The following MRTFB variants were observed in gnomAD, a reference collection of about 807,000 sequenced individuals.
MRTFB encodes myocardin related transcription factor B.
A neutral mutation model predicts 104.2 loss-of-function variants in MRTFB; 29 were observed. The ratio of observed to expected loss-of-function variants is 0.28; its 90% CI spans 0.21 to 0.38. The LOEUF (loss-of-function observed/expected upper bound fraction) is 0.38. MRTFB is among the 10% of genes least tolerant of loss of function. The pLI is 1.00. For missense variants in MRTFB, 1,270 were observed against 1,341.6 expected (o/e 0.95, Z 0.83); for synonymous variants, 535 against 519.5 (o/e 1.03, Z -0.41).
At chr16:14,244,034 C>T (rs537179854) in intron 10 of MRTFB, among the ~76,000 whole-genome samples, 2 of 151,962 alleles carry the variant, frequency 1.3e-5, no homozygotes, top group Non-Finnish European at 2.9e-5. Context: ...CCCGCCACCA[C>T]GCCTGGCTAA....
At chr16:14,039,200 T>C in the MRTFB span, among the ~76,000 whole-genome samples, 2 of 152,202 alleles carry the variant, frequency 1.3e-5, no homozygotes, top group Non-Finnish European at 2.9e-5. Flanking sequence ...CTCTAGTAAG[T>C]GTTGGCTGTT....
chr16:14,161,531 C>CA (rs768783645), intron 3 of MRTFB, among the ~76,000 whole-genome samples: 1 of 151,838 alleles, frequency 6.6e-6, no homozygotes, highest in Non-Finnish European at 1.5e-5. Context: ...TTGAAGTGGG[C>CA]AAAAATTTTT....
rs757607571 is a variant in MRTFB, at chr16:14,248,993, CCTTGGCCTCAGG to C, written c.2323_2334del (p.Ser775_Ala778del). Reference sequence around the variant, plus strand: ...ACTGCTGCACAAATACCAACTGCTGCCTTGGCCTCAGGCTTGGCCCCAACTGTACCTCAGACA... The same window carrying C: ...ACTGCTGCACAAATACCAACTGCTGCCTTGGCCCCAACTGTACCTCAGACA... On this transcript the variant is annotated inframe_deletion, in exon 13 of 17. Transcript: ENST00000571589. The C allele has an allele frequency of 4.3e-6, 7 of 1,614,102 alleles. No homozygotes were observed. Among genetic ancestry groups the C allele is most frequent in the Non-Finnish European group, 5.9e-6 (7 of 1,180,048 alleles).
At chr16:14,148,734 G>A (rs1597077611) in intron 3 of MRTFB, 1 of 152,674 alleles carries the variant, frequency 6.5e-6, no homozygotes, top group Admixed American at 6.5e-5. Context: ...GCATGGGTAA[G>A]TCTAAGGTGC....
chr16:14,023,179 C>G, the MRTFB span, among the ~76,000 whole-genome samples: 1 of 152,192 alleles, frequency 6.6e-6, no homozygotes, highest in African/African-American at 2.4e-5. Flanking sequence ...TGGCTCACAC[C>G]TATAACCCCA....
intron 3 of MRTFB, among the ~76,000 whole-genome samples, chr16:14,173,169 T>C (rs1193771390): frequency 6.6e-6 from 1 of 152,172 alleles, no homozygotes; most frequent in Non-Finnish European, 1.5e-5. Flanking sequence ...TGCTTTTCTT[T>C]TTCTGTGTTT....
intron 3 of MRTFB, among the ~76,000 whole-genome samples, chr16:14,198,151 A>T (rs2040521888): frequency 6.6e-6 from 1 of 152,194 alleles, no homozygotes; most frequent in Non-Finnish European, 1.5e-5. Context: ...ACATTGTAGT[A>T]TGAGTATTTA....
At position 14,104,217 on chromosome 16, in the gene MRTFB, GTATT is replaced by G. The variant is rs2035854208; in HGVS notation, c.-64+24868_-64+24871del. On this transcript the variant is annotated intron_variant, in intron 2 of 16. Coordinates refer to ENST00000571589, the MANE Select transcript of MRTFB (RefSeq NM_001308142.2). ...TTTAGCCAGAAAGACTGAACACTGT[GTATT>G]TATTCAGATAGGAAGGACCCCTAAA... Among the ~76,000 whole-genome samples the G allele has an allele frequency of 2.0e-5, 3 of 152,180 alleles. No individual in the cohort carries two copies. The South Asian group carries it at 6.2e-4, about 32-fold the overall frequency.
the MRTFB span, among the ~76,000 whole-genome samples, chr16:14,039,569 G>A: frequency 8.6e-5 from 13 of 151,452 alleles, no homozygotes; most frequent in Admixed American, 6.6e-5. Flanking sequence ...CTATATATGC[G>A]TGCACAAATA....
At chr16:14,083,962 G>A (rs2034558819) in intron 2 of MRTFB, among the ~76,000 whole-genome samples, 3 of 152,008 alleles carry the variant, frequency 2.0e-5, no homozygotes. Flanking sequence ...TACCTTTTAG[G>A]TTTTCAAAGA....
At chr16:14,016,198 G>T in the MRTFB span, among the ~76,000 whole-genome samples, 4 of 152,014 alleles carry the variant, frequency 2.6e-5, no homozygotes, top group African/African-American at 7.3e-5. Context: ...ACAGATGTGG[G>T]AGCTCTGTAG....
At chr16:14,065,735 AC>A in the MRTFB span, among the ~76,000 whole-genome samples, 1 of 151,772 alleles carries the variant, frequency 6.6e-6, no homozygotes, top group South Asian at 2.1e-4. Flanking sequence ...ACATAGCAAG[AC>A]CCCATCCCTA....
chr16:14,112,731 TG>T (rs761878697), intron 2 of MRTFB, among the ~76,000 whole-genome samples: 6 of 152,242 alleles, frequency 3.9e-5, no homozygotes, highest in Admixed American at 2.0e-4. Context: ...GGGATATTTT[TG>T]CCTTGGGGGC....
chr16:14,139,105 C>T (rs1048246598), intron 2 of MRTFB, among the ~76,000 whole-genome samples: 1 of 152,072 alleles, frequency 6.6e-6, no homozygotes, highest in Non-Finnish European at 1.5e-5. Context: ...AAAATACTCT[C>T]CATAAAACAC....
the MRTFB span, among the ~76,000 whole-genome samples, chr16:14,051,938 G>A: frequency 3.3e-5 from 5 of 152,008 alleles, no homozygotes; most frequent in South Asian, 1.0e-3. Context: ...CCCTTTACAT[G>A]CCTTCCCTCT....
At chr16:14,016,745 C>T in the MRTFB span, among the ~76,000 whole-genome samples, 3 of 130,482 alleles carry the variant, frequency 2.3e-5, no homozygotes, top group African/African-American at 9.1e-5. Context: ...TGCACTCCAT[C>T]GTGGGTAACA....
At chr16:14,035,596 A>T in the MRTFB span, among the ~76,000 whole-genome samples, 1 of 152,156 alleles carries the variant, frequency 6.6e-6, no homozygotes, top group African/African-American at 2.4e-5. Flanking sequence ...TTAATCTTCA[A>T]TGACTCTATG....
At position 14,266,308 on chromosome 16, in the gene MRTFB, G is replaced by A. The variant is rs1467417566; in HGVS notation, c.*4864G>A. ...TAGTAATACAAAGTTTTTTTTCTATGTAGAAATTAGTTTTCTTTTCTTGCT... is the reference window on the plus strand; with the variant it reads ...TAGTAATACAAAGTTTTTTTTCTATATAGAAATTAGTTTTCTTTTCTTGCT... On this transcript the variant is annotated 3_prime_UTR_variant, in exon 17 of 17. Transcript: ENST00000571589. 1 of 151,994 alleles carries A rather than the reference G, an allele frequency of 6.6e-6. No individual in the cohort carries two copies. Among genetic ancestry groups the A allele is most frequent in the Admixed American group, 6.6e-5 (1 of 15,266 alleles). 9.4% of individuals were successfully genotyped at this position (151,994 alleles called of 1,614,324 possible).
At chr16:14,181,213 T>A (rs574565823) in intron 3 of MRTFB, among the ~76,000 whole-genome samples, 6 of 152,294 alleles carry the variant, frequency 3.9e-5, no homozygotes, top group African/African-American at 1.2e-4. Flanking sequence ...AATTTTTTTT[T>A]AATTAACCGT....
Sources: gnomAD v4.1 joint callset for allele counts (sites outside exome capture counted in the v4.1 genomes callset) on GRCh38, gnomAD v4.1.1 for gene constraint, MANE v1.5 for transcripts, NCBI Gene and HGNC (gene_info 2026-07-23, HGNC 2026-07-21) for gene names.